PLXNA4: variants seen among roughly 807,000 people sequenced by gnomAD.
PLXNA4 encodes plexin A4.
PLXNA4 carries 44 observed loss-of-function variants against 191.8 expected under a neutral mutation model. That is an observed-to-expected ratio of 0.23 (90% CI 0.18 to 0.29). The LOEUF is 0.29. Among genes scored for constraint, PLXNA4 ranks in the 10% least tolerant of loss-of-function variants. The pLI is 1.00. For synonymous variants in PLXNA4, 1,082 were observed against 1,009.5 expected (o/e 1.07, Z -1.36); for missense variants, 1,800 against 2,488.8 (o/e 0.72, Z 5.89).
At chr7:132,308,374 T>C (rs369476059) in intron 3 of PLXNA4, among the ~76,000 whole-genome samples, 5 of 152,338 alleles carry the variant, frequency 3.3e-5, no homozygotes, top group African/African-American at 1.2e-4. Flanking sequence ...ATTTCCCATG[T>C]GCCTCTGGTT....
intron 2 of PLXNA4, among the ~76,000 whole-genome samples, chr7:132,600,557 A>T (rs746049687): frequency 2.6e-5 from 4 of 151,990 alleles, no homozygotes; most frequent in Non-Finnish European, 4.4e-5. Context: ...TAGAGACAAG[A>T]TCTTACCATG....
At chr7:132,253,089 T>C (rs1449685790) in intron 4 of PLXNA4, among the ~76,000 whole-genome samples, 1 of 152,154 alleles carries the variant, frequency 6.6e-6, no homozygotes, top group Non-Finnish European at 1.5e-5. Flanking sequence ...TTTGGAGAGT[T>C]TGAATTTTTC....
At chr7:132,257,392 C>T (rs1799470577) in intron 4 of PLXNA4, among the ~76,000 whole-genome samples, 1 of 152,228 alleles carries the variant, frequency 6.6e-6, no homozygotes. Flanking sequence ...ATAAGGCTCT[C>T]TATCATCTGG....
chr7:132,589,573 G>A (rs1170051402), intron 2 of PLXNA4, among the ~76,000 whole-genome samples: 1 of 152,144 alleles, frequency 6.6e-6, no homozygotes. Flanking sequence ...GGACTCAGGT[G>A]AGTAGACACC....
rs540034503 is a variant in PLXNA4, at chr7:132,133,779, TG to T, written c.5439-581del. On this transcript the variant is annotated intron_variant, in intron 30 of 31. Transcript: ENST00000321063. The stretch of plus-strand genomic sequence containing the variant: ...ATTTACATTTTTAATTTCTGCAATT[TG>T]ACATTTTATGCACCAAACCTCAACT... Among the ~76,000 whole-genome samples, 31 of 152,256 alleles carry T rather than the reference TG, an allele frequency of 2.0e-4. No homozygotes were observed. The East Asian group carries it at 5.8e-3, about 28-fold the overall frequency.
intron 3 of PLXNA4, among the ~76,000 whole-genome samples, chr7:132,446,235 A>G (rs993767990): frequency 2.0e-5 from 3 of 152,230 alleles, no homozygotes; most frequent in Non-Finnish European, 2.9e-5. Flanking sequence ...CATCCCCACT[A>G]GTAAAGGTTA....
chr7:132,235,031 G>A (rs1266918036), intron 5 of PLXNA4, among the ~76,000 whole-genome samples: 3 of 152,214 alleles, frequency 2.0e-5, no homozygotes, highest in Admixed American at 1.3e-4. Flanking sequence ...ATCAGCTTGT[G>A]TGTCATTAAG....
At chr7:132,436,766 A>C (rs1333484971) in intron 3 of PLXNA4, among the ~76,000 whole-genome samples, 1 of 152,222 alleles carries the variant, frequency 6.6e-6, no homozygotes, top group African/African-American at 2.4e-5. Context: ...GGAAAGGAGA[A>C]GCTGAAAGAT....
chr7:132,566,877 G>A (rs866921842), intron 1 of PLXNA4, among the ~76,000 whole-genome samples: 5 of 152,102 alleles, frequency 3.3e-5, no homozygotes, highest in African/African-American at 1.2e-4. Context: ...AGAGGCAGGC[G>A]GTGCCTCTGA....
chr7:132,338,635 C>G lies in PLXNA4; in HGVS notation c.1372-40413G>C, dbSNP rs527456606. 4.5e-4 allele frequency among the ~76,000 whole-genome samples: 69 copies of G among 152,324 alleles called. 2 individuals are homozygous for G. In the South Asian group the frequency reaches 0.014, roughly 31 times the overall value. On this transcript the variant is annotated intron_variant, in intron 3 of 31. Coordinates refer to ENST00000321063, the MANE Select transcript of PLXNA4 (RefSeq NM_020911.2). The stretch of plus-strand genomic sequence containing the variant: ...TATAGACAGCCAGATATCTTCTAAT[C>G]TAGCCTGGAATGTCTTGTAGAAGAG...
chr7:132,325,785 C>T (rs969934503), intron 3 of PLXNA4, among the ~76,000 whole-genome samples: 3 of 152,180 alleles, frequency 2.0e-5, no homozygotes, highest in African/African-American at 7.2e-5. Flanking sequence ...TGTTTTATTA[C>T]AGCAGCCCTA....
chr7:132,305,198 A>G (rs1801463709), intron 3 of PLXNA4, among the ~76,000 whole-genome samples: 1 of 152,172 alleles, frequency 6.6e-6, no homozygotes, highest in African/African-American at 2.4e-5. Context: ...GGCTGGGGGC[A>G]GCAACTGACT....
chr7:132,259,364 A>G (rs1351103552), intron 4 of PLXNA4, among the ~76,000 whole-genome samples: 2 of 134,224 alleles, frequency 1.5e-5, no homozygotes, highest in Non-Finnish European at 3.1e-5. Flanking sequence ...TGAACCCAGG[A>G]GACAGAGGTT....
chr7:132,619,886 C>T (rs573282764), intron 2 of PLXNA4, among the ~76,000 whole-genome samples: 7 of 152,174 alleles, frequency 4.6e-5, no homozygotes, highest in East Asian at 1.9e-4. Flanking sequence ...CTGCAAACTC[C>T]GCCTCCCGGG....
intron 1 of PLXNA4, among the ~76,000 whole-genome samples, chr7:132,527,501 G>A (rs944239613): frequency 3.2e-5 from 4 of 124,678 alleles, no homozygotes; most frequent in Admixed American, 1.0e-4. Flanking sequence ...ACTACAGTGA[G>A]TAAGGGCAGC....
Position 132,562,190 on chromosome 7 carries a change from TCTC to T in PLXNA4, c.-87+14229_-87+14231del, listed in dbSNP as rs544942776. ...TCCTCCTCTTTCTCCTCCTCCTCCT[TCTC>T]CTCCTCCTCCTTCTCCTCCTCCTTC... On this transcript the variant is annotated intron_variant, in intron 1 of 31. Coordinates refer to ENST00000321063, the MANE Select transcript of PLXNA4 (RefSeq NM_020911.2). Among the ~76,000 whole-genome samples the T allele has an allele frequency of 8.7e-3, 541 of 61,998 alleles. 4 individuals are homozygous for T. Among genetic ancestry groups the T allele is most frequent in the Middle Eastern group, 0.019 (1 of 54 alleles). 40.7% of individuals were successfully genotyped at this position (61,998 alleles called of 152,430 possible).
chr7:132,485,659 G>A (rs1016005549), intron 3 of PLXNA4, among the ~76,000 whole-genome samples: 1 of 152,206 alleles, frequency 6.6e-6, no homozygotes, highest in Non-Finnish European at 1.5e-5. Context: ...TAGTGGAAAT[G>A]TTAACAGTCT....
intron 12 of PLXNA4, among the ~76,000 whole-genome samples, chr7:132,200,984 C>A (rs1015332721): frequency 6.6e-6 from 1 of 152,216 alleles, no homozygotes; most frequent in African/African-American, 2.4e-5. Flanking sequence ...GAAGTTCTAA[C>A]CCCAGTGTCT....
At position 132,140,501 on chromosome 7, in the gene PLXNA4, G is replaced by T; in HGVS notation, c.5438+98C>A. The T allele has an allele frequency of 4.0e-6, 6 of 1,502,724 alleles. No homozygotes were observed. The South Asian group carries it at 7.9e-5, about 20-fold the overall frequency. The allele number at this position is 1,502,724 out of a possible 1,614,324, so 93.1% of individuals were successfully genotyped here. On this transcript the variant is annotated intron_variant, in intron 30 of 31. Coordinates refer to ENST00000321063, the MANE Select transcript of PLXNA4 (RefSeq NM_020911.2). Reference sequence around the variant, plus strand: ...TTAGGCTTTGTGAATGACTCATCTGGAAACACAGCTGGTTTTTGATGGGGA... The same window carrying T: ...TTAGGCTTTGTGAATGACTCATCTGTAAACACAGCTGGTTTTTGATGGGGA...
Sources: gnomAD v4.1 joint callset for allele counts (sites outside exome capture counted in the v4.1 genomes callset) on GRCh38, gnomAD v4.1.1 for gene constraint, MANE v1.5 for transcripts, NCBI Gene and HGNC (gene_info 2026-07-23, HGNC 2026-07-21) for gene names.